TUSC3: variants seen among roughly 807,000 people sequenced by gnomAD.
TUSC3 encodes the protein tumor suppressor candidate 3.
In TUSC3, 45 loss-of-function variants were observed where a neutral mutation model predicts 44.8. The ratio of observed to expected loss-of-function variants is 1.00; its 90% CI spans 0.79 to 1.29. TUSC3 has a LOEUF of 1.29. Among genes scored for constraint, TUSC3 ranks in the 50% most tolerant of loss-of-function variants. The pLI is 0.00. For missense variants in TUSC3, 519 were observed against 437.9 expected, an observed-to-expected ratio of 1.19 and a Z score of -1.65; for synonymous variants, 212 against 152.9, an observed-to-expected ratio of 1.39 and a Z score of -2.85.
intron 10 of TUSC3, among the ~76,000 whole-genome samples, chr8:15,763,281 A>G (rs1812227298): frequency 6.6e-6 from 1 of 152,006 alleles, no homozygotes; most frequent in Non-Finnish European, 1.5e-5. Flanking sequence ...CTAATGAGGA[A>G]ACCGAGGTTC....
At chr8:15,555,951 A>G (rs1199930723) in intron 1 of TUSC3, among the ~76,000 whole-genome samples, 2 of 151,622 alleles carry the variant, frequency 1.3e-5, no homozygotes, top group Non-Finnish European at 2.9e-5. Context: ...ATAAATGATC[A>G]AAACCATTAG....
intron 2 of TUSC3, among the ~76,000 whole-genome samples, chr8:15,521,697 C>T (rs540115811): frequency 1.2e-4 from 18 of 152,248 alleles, no homozygotes; most frequent in African/African-American, 3.4e-4. Context: ...ATGCAGCCTG[C>T]GGGCCACTGG....
At chr8:15,677,294 C>T (rs1411273163) in intron 6 of TUSC3, among the ~76,000 whole-genome samples, 2 of 152,112 alleles carry the variant, frequency 1.3e-5, no homozygotes, top group Non-Finnish European at 2.9e-5. Flanking sequence ...GCCACTGTGC[C>T]CATCTGTAAA....
intron 2 of TUSC3, among the ~76,000 whole-genome samples, chr8:15,523,664 A>ATATGTGTGTGTG (rs1345376349): frequency 1.4e-4 from 6 of 42,480 alleles, no homozygotes; most frequent in African/African-American, 5.2e-4. Context: ...ATATATATAT[A>ATATGTGTGTGTG]TGTGTGTGTG....
chr8:15,846,495 T>G, the TUSC3 span, among the ~76,000 whole-genome samples: 1 of 152,134 alleles, frequency 6.6e-6, no homozygotes, highest in African/African-American at 2.4e-5. Context: ...AAGAAAATGT[T>G]GCAAATATAC....
chr8:15,732,565 G>A (rs1189303597), intron 7 of TUSC3, among the ~76,000 whole-genome samples: 2 of 149,950 alleles, frequency 1.3e-5, no homozygotes. Flanking sequence ...AGATGACCAG[G>A]AAAAAAAAAA....
At chr8:15,650,995 A>G (rs1806877550) in intron 3 of TUSC3, 181 bp downstream of exon 3, 1 of 412,978 alleles carries the variant, frequency 2.4e-6, no homozygotes, top group Non-Finnish European at 4.6e-6. Flanking sequence ...ACACACACAC[A>G]CACACACACA....
chr8:15,583,974 G>T (rs2129147876), intron 1 of TUSC3, among the ~76,000 whole-genome samples: 1 of 152,326 alleles, frequency 6.6e-6, no homozygotes, highest in East Asian at 1.9e-4. Flanking sequence ...ATGATAGATA[G>T]TGTCAGTTGT....
upstream of TUSC3, among the ~76,000 whole-genome samples, chr8:15,536,897 C>T (rs1359672261): frequency 6.6e-6 from 1 of 151,598 alleles, no homozygotes; most frequent in Non-Finnish European, 1.5e-5. Context: ...TTTATTTGAC[C>T]CTGTATATCA....
At chr8:15,447,640 T>C (rs1464482456) in intron 1 of TUSC3, among the ~76,000 whole-genome samples, 2 of 151,834 alleles carry the variant, frequency 1.3e-5, no homozygotes, top group African/African-American at 2.4e-5. Flanking sequence ...TACTAACATG[T>C]TTCAGAACTA....
intron 6 of TUSC3, among the ~76,000 whole-genome samples, chr8:15,711,540 ATTTG>A (rs1216851637): frequency 6.7e-6 from 1 of 149,746 alleles, no homozygotes; most frequent in Non-Finnish European, 1.5e-5. Flanking sequence ...ATGTATATAT[ATTTG>A]TTTAAATCGC....
chr8:15,765,073 A>G lies in TUSC3; in HGVS notation c.*917A>G, dbSNP rs180748150. 6.6e-6 allele frequency: 1 copy of G among 152,062 alleles called. No homozygotes were observed. Among genetic ancestry groups the G allele is most frequent in the East Asian group, 1.9e-4 (1 of 5,190 alleles). The allele number at this position is 152,062 out of a possible 1,614,324, so 9.4% of individuals were successfully genotyped here. ...TGAATGATTCAATGAAGCTTTCTTGAAAACAAACATAGGAGTGTAATGTAC... is the reference window on the plus strand; with the variant it reads ...TGAATGATTCAATGAAGCTTTCTTGGAAACAAACATAGGAGTGTAATGTAC... On this transcript the variant is annotated 3_prime_UTR_variant, in exon 11 of 11. Transcript: ENST00000503731.
intron 1 of TUSC3, among the ~76,000 whole-genome samples, chr8:15,568,534 C>T (rs909780645): frequency 3.3e-5 from 5 of 151,756 alleles, no homozygotes; most frequent in Non-Finnish European, 5.9e-5. Context: ...TTTTGATAAA[C>T]ATGAAAGACA....
At chr8:15,476,518 T>C (rs1313698327) in intron 1 of TUSC3, among the ~76,000 whole-genome samples, 3 of 152,108 alleles carry the variant, frequency 2.0e-5, no homozygotes, top group Non-Finnish European at 2.9e-5. Flanking sequence ...TTAAACGTGA[T>C]TTACAAAGGA....
chr8:15,690,062 T>A lies in TUSC3; in HGVS notation c.798+16226T>A, dbSNP rs7838491. On this transcript the variant is annotated intron_variant, in intron 6 of 10. Transcript: ENST00000503731. ...GATGGCTGGGTCAAATGGTAATTAA[T>A]TCTGTTTTAAGCTCTTTGAGAAATC... Among the ~76,000 whole-genome samples the A allele has an allele frequency of 2.5e-3, 382 of 152,234 alleles. 2 individuals are homozygous for A. The highest frequency in any genetic ancestry group is 8.2e-3 in the African/African-American group (341 of 41,548).
intron 1 of TUSC3, among the ~76,000 whole-genome samples, chr8:15,606,914 A>T (rs1226101646): frequency 2.0e-5 from 3 of 151,022 alleles, no homozygotes; most frequent in African/African-American, 7.4e-5. Context: ...TTTTAATAAA[A>T]CATTGTGTGT....
At chr8:15,426,716 T>A (rs1799808658) in intron 1 of TUSC3, among the ~76,000 whole-genome samples, 1 of 152,208 alleles carries the variant, frequency 6.6e-6, no homozygotes, top group African/African-American at 2.4e-5. Flanking sequence ...CTCTCCAAGA[T>A]CCTGATTTTA....
At chr8:15,782,688 C>G in the TUSC3 span, among the ~76,000 whole-genome samples, 1 of 152,098 alleles carries the variant, frequency 6.6e-6, no homozygotes, top group Non-Finnish European at 1.5e-5. Context: ...ATTCAACATC[C>G]TGTCATGATA....
intron 1 of TUSC3, among the ~76,000 whole-genome samples, chr8:15,424,071 A>G (rs1234576327): frequency 6.1e-5 from 8 of 132,180 alleles, no homozygotes; most frequent in Admixed American, 1.9e-4. Flanking sequence ...GCTCACTGCA[A>G]CCTCTACCTC....
Sources: allele counts gnomAD v4.1 joint callset (sites outside exome capture counted in the v4.1 genomes callset), GRCh38; gene constraint gnomAD v4.1.1; transcripts MANE v1.5; gene names NCBI Gene and HGNC (gene_info 2026-07-23, HGNC 2026-07-21).